Variants in KIF26B observed in about 807,000 individuals in gnomAD.
KIF26B encodes kinesin-like protein KIF26B.
KIF26B carries 63 observed loss-of-function variants against 151.2 expected under a neutral mutation model. That is an observed-to-expected ratio of 0.42 (90% CI 0.34 to 0.51). KIF26B has a LOEUF of 0.51. Ranked by LOEUF, KIF26B falls within the 20% of genes least tolerant of loss-of-function variation. KIF26B has a pLI of 0.07. For missense variants in KIF26B, 2,813 were observed against 2,913.6 expected, an observed-to-expected ratio of 0.97 and a Z score of 0.79; for synonymous variants, 1,357 against 1,262.1, an observed-to-expected ratio of 1.08 and a Z score of -1.59.
chr1:245,228,871 G>T (rs957794124), intron 2 of KIF26B, among the ~76,000 whole-genome samples: 1 of 152,168 alleles, frequency 6.6e-6, no homozygotes, highest in Non-Finnish European at 1.5e-5. Flanking sequence ...TCCAATCACC[G>T]CATGATACTG....
rs558109721 is a variant in KIF26B, at chr1:245,708,300, G to A, written c.*5694G>A. On this transcript the variant is annotated 3_prime_UTR_variant, in exon 15 of 15. Transcript: ENST00000407071. ...TTAAAGGTCTGTCTAGGAGCTGGGG[G>A]TAATCATTTACAGATGAAGAAACTG... The A allele has an allele frequency of 3.3e-5, 5 of 152,362 alleles. No homozygotes were observed. Among genetic ancestry groups the A allele is most frequent in the African/African-American group, 1.2e-4 (5 of 41,580 alleles). The allele number at this position is 152,362 out of a possible 1,614,324, so 9.4% of individuals were successfully genotyped here.
chr1:245,511,241 T>C (rs1660830398), intron 4 of KIF26B: 1 of 668,540 alleles, frequency 1.5e-6, no homozygotes, highest in Admixed American at 2.5e-5. Context: ...ATAAAATGCA[T>C]AAACCATTTC....
intron 4 of KIF26B, among the ~76,000 whole-genome samples, chr1:245,536,003 A>G (rs762815845): frequency 2.6e-5 from 4 of 152,188 alleles, no homozygotes; most frequent in East Asian, 1.9e-4. Context: ...TCATGTGCCA[A>G]CTGTGTTCCA....
chr1:245,619,199 C>T (rs901078127), intron 9 of KIF26B, among the ~76,000 whole-genome samples: 2 of 150,826 alleles, frequency 1.3e-5, no homozygotes, highest in Non-Finnish European at 2.9e-5. Flanking sequence ...AGTGCTGGGG[C>T]TGTGTCTGCT....
chr1:245,641,262 C>G (rs1474721939), intron 9 of KIF26B, among the ~76,000 whole-genome samples: 1 of 143,568 alleles, frequency 7.0e-6, no homozygotes, highest in African/African-American at 2.7e-5. Flanking sequence ...TTTTTAGGAC[C>G]CTCTTTGCCT....
At chr1:245,545,071 C>T (rs550978272) in intron 5 of KIF26B, among the ~76,000 whole-genome samples, 1 of 151,880 alleles carries the variant, frequency 6.6e-6, no homozygotes, top group South Asian at 2.1e-4. Context: ...TCAGGATCCT[C>T]TGCCCCTAGA....
chr1:245,621,023 CAG>C (rs2043653224), intron 9 of KIF26B, among the ~76,000 whole-genome samples: 1 of 152,106 alleles, frequency 6.6e-6, no homozygotes, highest in African/African-American at 2.4e-5. Context: ...GGTGGTAAGG[CAG>C]TGGCTCCCAA....
chr1:245,641,900 A>C (rs1389040237), intron 9 of KIF26B, among the ~76,000 whole-genome samples: 2 of 152,140 alleles, frequency 1.3e-5, no homozygotes, highest in African/African-American at 4.8e-5. Context: ...ACACATTGAG[A>C]GATTAAATAT....
chr1:245,519,974 G>C (rs1187098762), intron 4 of KIF26B, among the ~76,000 whole-genome samples: 1 of 152,132 alleles, frequency 6.6e-6, no homozygotes, highest in African/African-American at 2.4e-5. Flanking sequence ...GTCATTAGTT[G>C]ATAGCCTAAT....
intron 2 of KIF26B, among the ~76,000 whole-genome samples, chr1:245,320,192 C>G (rs1470729739): frequency 6.6e-6 from 1 of 152,206 alleles, no homozygotes; most frequent in Admixed American, 6.5e-5. Flanking sequence ...AGCAATGTGC[C>G]GTGCACACCA....
At chr1:245,407,565 A>G (rs1674167341) in intron 3 of KIF26B, among the ~76,000 whole-genome samples, 1 of 152,066 alleles carries the variant, frequency 6.6e-6, no homozygotes, top group African/African-American at 2.4e-5. Context: ...TGAATTATGT[A>G]TAAGCCGAAG....
At chr1:245,156,229 G>C (rs1457680923) in intron 1 of KIF26B, 53 bp from the exon 2 acceptor site, 2 of 1,524,618 alleles carry the variant, frequency 1.3e-6, no homozygotes, top group Non-Finnish European at 1.8e-6. Flanking sequence ...CAGCTCCTGG[G>C]CGCTGCAGCC....
At chr1:245,628,148 T>C (rs900706090) in intron 9 of KIF26B, among the ~76,000 whole-genome samples, 1 of 152,196 alleles carries the variant, frequency 6.6e-6, no homozygotes, top group South Asian at 2.1e-4. Flanking sequence ...AGCATCATCC[T>C]GATACCAAAA....
At chr1:245,429,475 A>T (rs575813655) in intron 4 of KIF26B, among the ~76,000 whole-genome samples, 2 of 152,328 alleles carry the variant, frequency 1.3e-5, no homozygotes, top group South Asian at 4.1e-4. Flanking sequence ...CCTGTTACGA[A>T]CTAGATGCCA....
chr1:245,367,286 G>T lies in KIF26B; in HGVS notation c.918G>T (p.Ser306=). The change falls in exon 3 of 15, where the codon TCG becomes TCT. Residue 306 remains serine (S), a synonymous_variant. Transcript: ENST00000407071. This position sits in a 1 kb window ranked among gnomAD's most constrained non-coding sequence, Gnocchi z 4.2. ...TSPSNGNILN[S]VAIQAHQYLD... ...CAAGCAATGGGAACATCCTCAATTC[G>T]GTGGCCATCCAGGCTCACCAGTACC... 6.3e-7 allele frequency: 1 copy of T among 1,599,544 alleles called. No individual in the cohort carries two copies. The highest frequency in any genetic ancestry group is 1.7e-5 in the Admixed American group (1 of 57,628).
chr1:245,212,833 C>A (rs1294653281), intron 2 of KIF26B, among the ~76,000 whole-genome samples: 1 of 152,238 alleles, frequency 6.6e-6, no homozygotes, highest in Non-Finnish European at 1.5e-5. Flanking sequence ...GCACTTCATA[C>A]CCATGAATTG....
At chr1:245,443,052 G>A (rs1443124175) in intron 4 of KIF26B, among the ~76,000 whole-genome samples, 2 of 97,286 alleles carry the variant, frequency 2.1e-5, no homozygotes, top group Admixed American at 1.0e-4. Context: ...CACCTAGAGT[G>A]GTCATCTCCC....
intron 2 of KIF26B, among the ~76,000 whole-genome samples, chr1:245,231,640 T>A (rs1446777494): frequency 6.6e-6 from 1 of 152,168 alleles, no homozygotes; most frequent in African/African-American, 2.4e-5. Context: ...ATTCTAGATG[T>A]ATCCTCATAA....
At chr1:245,462,343 A>G (rs1659665939) in intron 4 of KIF26B, among the ~76,000 whole-genome samples, 1 of 152,144 alleles carries the variant, frequency 6.6e-6, no homozygotes, top group African/African-American at 2.4e-5. Flanking sequence ...CCGCCATTAC[A>G]TATGCACGCG....
Sources: gnomAD v4.1 joint callset for allele counts (sites outside exome capture counted in the v4.1 genomes callset) on GRCh38, gnomAD v4.1.1 for gene constraint, Gnocchi (gnomAD v3.1) non-coding constraint, MANE v1.5 for transcripts, NCBI Gene and HGNC (gene_info 2026-07-23, HGNC 2026-07-21) for gene names.